Variants in RHAG observed in about 807,000 individuals in gnomAD.
RHAG encodes Rh associated glycoprotein.
A neutral mutation model predicts 42.4 loss-of-function variants in RHAG; 25 were observed. The ratio of observed to expected loss-of-function variants is 0.59; its 90% CI spans 0.43 to 0.82. The LOEUF is 0.82. Among genes scored for constraint, RHAG ranks in the 40% least tolerant of loss-of-function variants. The probability of loss-of-function intolerance (pLI) is 0.00; values close to 1 mark genes in which losing one functional copy is unlikely to be tolerated. For missense variants in RHAG, 483 were observed against 504.6 expected (o/e 0.96, Z 0.41); for synonymous variants, 182 against 177.7 (o/e 1.02, Z -0.19).
chr6:49,633,706 A>G (rs1481115307), intron 1 of RHAG, among the ~76,000 whole-genome samples: 3 of 152,160 alleles, frequency 2.0e-5, no homozygotes, highest in African/African-American at 4.8e-5. Flanking sequence ...AGACAAGTTA[A>G]TTAATTGCAC....
chr6:49,615,376 G>A, intron 4 of RHAG: 1 of 350,404 alleles, frequency 2.9e-6, no homozygotes. Context: ...TTTTTTCAAA[G>A]TTTAATTGAA....
intron 1 of RHAG, among the ~76,000 whole-genome samples, chr6:49,621,625 A>G (rs1175570346): frequency 6.6e-6 from 1 of 152,198 alleles, no homozygotes; most frequent in Non-Finnish European, 1.5e-5. Context: ...AGTAGAGATA[A>G]TCACATATAT....
chr6:49,635,070 T>G (rs949535876), intron 1 of RHAG, among the ~76,000 whole-genome samples: 1 of 150,780 alleles, frequency 6.6e-6, no homozygotes, highest in Non-Finnish European at 1.5e-5. Context: ...CAAATATCCA[T>G]ACGGTATTGT....
At chr6:49,614,350 G>A (rs186809667) in intron 5 of RHAG, among the ~76,000 whole-genome samples, 114 of 150,028 alleles carry the variant, frequency 7.6e-4, no homozygotes, top group African/African-American at 2.6e-3. Context: ...CTGCCTCCAC[G>A]CCTGGCTAAT....
intron 1 of RHAG, among the ~76,000 whole-genome samples, chr6:49,619,579 G>T (rs948523755): frequency 9.9e-5 from 15 of 152,052 alleles, no homozygotes; most frequent in African/African-American, 3.6e-4. Context: ...GCTTTTTATT[G>T]GGAAGACTAT....
At chr6:49,623,331 C>T (rs952181813) in intron 1 of RHAG, among the ~76,000 whole-genome samples, 1 of 152,088 alleles carries the variant, frequency 6.6e-6, no homozygotes, top group African/African-American at 2.4e-5. Context: ...GTGAAATATA[C>T]GAATAAAAAG....
At chr6:49,636,233 G>A (rs1344308984) in intron 1 of RHAG, among the ~76,000 whole-genome samples, 2 of 151,808 alleles carry the variant, frequency 1.3e-5, no homozygotes, top group Admixed American at 6.6e-5. Flanking sequence ...ATTCCTTAGG[G>A]TCCTCACATG....
chr6:49,606,603 A>G, intron 9 of RHAG: 1 of 418,944 alleles, frequency 2.4e-6, no homozygotes, highest in East Asian at 3.4e-5. Context: ...TTGAAAGAAA[A>G]ATTTTAAATT....
At chr6:49,610,366 A>G (rs1436086914) in intron 7 of RHAG, among the ~76,000 whole-genome samples, 1 of 152,162 alleles carries the variant, frequency 6.6e-6, no homozygotes, top group Admixed American at 6.5e-5. Flanking sequence ...CATCCCTTCC[A>G]TTCTCTGGGG....
intron 1 of RHAG, among the ~76,000 whole-genome samples, chr6:49,620,558 G>GTCT (rs1377573469): frequency 2.0e-5 from 3 of 152,064 alleles, no homozygotes; most frequent in African/African-American, 7.2e-5. Flanking sequence ...GGGAGACAGA[G>GTCT]CGAGACTCTG....
intron 3 of RHAG, among the ~76,000 whole-genome samples, chr6:49,616,641 G>T (rs2127352705): frequency 6.6e-6 from 1 of 152,226 alleles, no homozygotes. Flanking sequence ...GGGTCAAATT[G>T]TACTTATAGA....
At chr6:49,623,476 T>C (rs983176594) in intron 1 of RHAG, among the ~76,000 whole-genome samples, 2 of 152,232 alleles carry the variant, frequency 1.3e-5, no homozygotes, top group Admixed American at 1.3e-4. Flanking sequence ...GTGTCCATTT[T>C]ATAGAAGAAA....
chr6:49,613,069 A>ATT (rs562332720), intron 5 of RHAG, among the ~76,000 whole-genome samples: 5,683 of 137,608 alleles, frequency 0.041, 156 homozygotes, highest in South Asian at 0.1. Context: ...AGAGGAACTG[A>ATT]TTTTTTTTTT....
At chr6:49,629,728 C>T (rs966156711) in intron 1 of RHAG, among the ~76,000 whole-genome samples, 8 of 152,224 alleles carry the variant, frequency 5.3e-5, no homozygotes, top group South Asian at 2.1e-4. Flanking sequence ...AGAAATCGAG[C>T]GCAGCGCAGG....
At chr6:49,622,234 TAGAC>T (rs890683713) in intron 1 of RHAG, among the ~76,000 whole-genome samples, 15 of 148,632 alleles carry the variant, frequency 1.0e-4, no homozygotes, top group Admixed American at 9.4e-4. Context: ...TTTTTTTTTT[TAGAC>T]AGAGTCTCAT....
chr6:49,607,269 AAAG>A, intron 7 of RHAG, 49 bp from the exon 8 acceptor site: 1 of 1,491,158 alleles, frequency 6.7e-7, no homozygotes, highest in Non-Finnish European at 9.3e-7. Flanking sequence ...GATCTCAGCC[AAAG>A]AAAGTCTCAC....
At chr6:49,612,664 A>G in intron 5 of RHAG, 130 bp from the exon 6 acceptor site, 1 of 1,111,714 alleles carries the variant, frequency 9.0e-7, no homozygotes, top group South Asian at 1.4e-5. Flanking sequence ...TCTTTTTTAA[A>G]AAGAGGTTTG....
chr6:49,607,036 ACTGCC>A, intron 8 of RHAG, 109 bp downstream of exon 8: 1 of 1,204,826 alleles, frequency 8.3e-7, no homozygotes, highest in Non-Finnish European at 1.2e-6. Flanking sequence ...TAATTACTTT[ACTGCC>A]AGAAGTTTAG....
chr6:49,613,117 T>C (rs1383912421), intron 5 of RHAG, among the ~76,000 whole-genome samples: 1 of 151,332 alleles, frequency 6.6e-6, no homozygotes, highest in Non-Finnish European at 1.5e-5. Context: ...TCTCCCAGGC[T>C]GGAGTGCAGC....
Sources: gnomAD v4.1 joint callset for allele counts (sites outside exome capture counted in the v4.1 genomes callset) on GRCh38, gnomAD v4.1.1 for gene constraint, MANE v1.5 for transcripts, NCBI Gene and HGNC (gene_info 2026-07-23, HGNC 2026-07-21) for gene names.